ATG13: variants seen among roughly 807,000 people sequenced by gnomAD.
ATG13 encodes autophagy-related protein 13.
A neutral mutation model predicts 65.5 loss-of-function variants in ATG13; 23 were observed. The observed-to-expected ratio is 0.35, with a 90% CI of 0.25 to 0.50. ATG13 has a LOEUF of 0.50. Among genes scored for constraint, ATG13 ranks in the 20% least tolerant of loss-of-function variants. The pLI is 0.98. For missense variants in ATG13, 566 were observed against 677.0 expected, an observed-to-expected ratio of 0.84 and a Z score of 1.82; for synonymous variants, 252 against 245.2, an observed-to-expected ratio of 1.03 and a Z score of -0.26.
chr11:46,622,339 G>T (rs1591397375), intron 1 of ATG13, among the ~76,000 whole-genome samples: 1 of 151,400 alleles, frequency 6.6e-6, no homozygotes. Flanking sequence ...AGATGGTCTC[G>T]ATCTCCTGAC....
intron 2 of ATG13, among the ~76,000 whole-genome samples, chr11:46,633,708 G>A (rs1218201955): frequency 6.6e-6 from 1 of 152,066 alleles, no homozygotes; most frequent in East Asian, 1.9e-4. Context: ...CTACTCGAGA[G>A]GCTTAAGTGG....
chr11:46,658,797 A>T (rs182797450), intron 10 of ATG13, among the ~76,000 whole-genome samples: 1 of 152,222 alleles, frequency 6.6e-6, no homozygotes, highest in African/African-American at 2.4e-5. Flanking sequence ...CGGCCTCCCA[A>T]AATGCTGGAA....
At chr11:46,634,899 C>T (rs2053405195) in intron 2 of ATG13, among the ~76,000 whole-genome samples, 1 of 151,948 alleles carries the variant, frequency 6.6e-6, no homozygotes, top group Non-Finnish European at 1.5e-5. Context: ...GGCCGGGTTT[C>T]ACCATATTGG....
At chr11:46,642,140 A>G (rs539249643) in intron 2 of ATG13, among the ~76,000 whole-genome samples, 2 of 151,812 alleles carry the variant, frequency 1.3e-5, no homozygotes, top group African/African-American at 4.8e-5. Flanking sequence ...CCTTTTGTTT[A>G]TTCTTTTCCT....
Position 46,664,055 on chromosome 11 carries a change from C to A in ATG13, c.848C>A (p.Thr283Asn), listed in dbSNP as rs780791565. The change falls in exon 12 of 19, where the codon ACC (threonine) becomes AAC (asparagine). Residue 283 changes from threonine (T) to asparagine (N), a missense_variant. Physicochemically the swap from Thr to Asn is moderately conservative, Grantham distance 65 (BLOSUM62 0). Transcript: ENST00000683050. ...FQTPTPVVTD[T>N]LRVPMAGLAF... ...ACCCCTACTCCTGTGGTGACGGACA[C>A]CCTGAGGGTCCCCATGGCAGGACTG... 8 of 1,597,712 alleles carry A rather than the reference C, an allele frequency of 5.0e-6. No homozygotes were observed. The South Asian group carries it at 6.6e-5, about 13-fold the overall frequency.
At chr11:46,626,657 C>G (rs1310304616) in intron 1 of ATG13, among the ~76,000 whole-genome samples, 1 of 152,142 alleles carries the variant, frequency 6.6e-6, no homozygotes, top group Non-Finnish European at 1.5e-5. Context: ...AACCTGTGTT[C>G]CCATAGATTG....
intron 10 of ATG13, among the ~76,000 whole-genome samples, chr11:46,658,773 T>A (rs1432745527): frequency 1.3e-5 from 2 of 152,124 alleles, no homozygotes; most frequent in East Asian, 3.9e-4. Flanking sequence ...TGACCTCAGA[T>A]GATCCGCCTG....
At chr11:46,660,505 G>A (rs1356772773) in intron 11 of ATG13, among the ~76,000 whole-genome samples, 2 of 150,986 alleles carry the variant, frequency 1.3e-5, no homozygotes, top group Non-Finnish European at 3.0e-5. Flanking sequence ...TGCCTCCCGG[G>A]TTCACGCCAT....
In ATG13 at chr11:46,633,009, T is replaced by TATAG. The variant is rs2052434406; in HGVS notation, c.-14+2912_-14+2913insGATA. The stretch of plus-strand genomic sequence containing the variant: ...AAGACCCCCATTAAAAAAAAATATA[T>TATAG]ATATATATATATATATATTTTTTTT... On this transcript the variant is annotated intron_variant, in intron 2 of 18. Coordinates refer to ENST00000683050, the MANE Select transcript of ATG13 (RefSeq NM_001346311.2). 4.1e-5 allele frequency among the ~76,000 whole-genome samples: 4 copies of TATAG among 97,914 alleles called. No individual in the cohort carries two copies. The East Asian group carries it at 1.1e-3, about 26-fold the overall frequency. 64.2% of individuals were successfully genotyped at this position (97,914 alleles called of 152,430 possible). A position where few individuals can be genotyped will look rare whatever the true frequency, so the allele number is the denominator to read the frequency against.
intron 1 of ATG13, among the ~76,000 whole-genome samples, chr11:46,618,988 G>A (rs1452141948): frequency 2.0e-5 from 3 of 152,194 alleles, no homozygotes; most frequent in South Asian, 2.1e-4. Flanking sequence ...CGGCCCAGGA[G>A]CTTAATCTCG....
intron 11 of ATG13, among the ~76,000 whole-genome samples, chr11:46,663,139 AC>A (rs2136963299): frequency 6.6e-6 from 1 of 151,886 alleles, no homozygotes. Context: ...GGTGGCGGGC[AC>A]CTGTAGTCTC....
intron 10 of ATG13, 170 bp from the exon 11 acceptor site, chr11:46,659,222 T>A: frequency 1.8e-6 from 1 of 562,546 alleles, no homozygotes; most frequent in Non-Finnish European, 3.2e-6. Flanking sequence ...TGAGTGCCAC[T>A]CTCTGGAATG....
chr11:46,628,938 C>CT (rs10714909), intron 1 of ATG13, among the ~76,000 whole-genome samples: 129 of 137,864 alleles, frequency 9.4e-4, no homozygotes, highest in East Asian at 1.9e-3. Context: ...GATCTGTTTT[C>CT]TTTTTTTTTT....
chr11:46,668,590 TG>T lies in ATG13; in HGVS notation c.1329+15del. ...ACCGATCCAATGGTGAGCCCACCGT[TG>T]ACTACGAGTTCCCAGTAGATGGTGC... On this transcript the variant is annotated intron_variant, in intron 16 of 18. Transcript: ENST00000683050. 6.2e-7 allele frequency: 1 copy of T among 1,611,554 alleles called. No individual in the cohort carries two copies. Among genetic ancestry groups the T allele is most frequent in the Non-Finnish European group, 8.5e-7 (1 of 1,177,566 alleles).
chr11:46,632,677 A>T (rs2052216052), intron 2 of ATG13, among the ~76,000 whole-genome samples: 1 of 151,842 alleles, frequency 6.6e-6, no homozygotes, highest in Non-Finnish European at 1.5e-5. Flanking sequence ...CAGGTCCGGT[A>T]CCTCTATAGA....
intron 2 of ATG13, among the ~76,000 whole-genome samples, chr11:46,641,285 T>C (rs1035574212): frequency 1.3e-5 from 2 of 152,210 alleles, no homozygotes; most frequent in Non-Finnish European, 2.9e-5. Flanking sequence ...TTGGCCAGGC[T>C]GGTCTTGAAC....
chr11:46,670,440 C>T (rs2063452993), intron 18 of ATG13, among the ~76,000 whole-genome samples: 1 of 147,792 alleles, frequency 6.8e-6, no homozygotes, highest in African/African-American at 2.5e-5. Context: ...AAGATTGGAT[C>T]ACTGCACTCC....
At chr11:46,648,855 T>C (rs2058307813) in intron 5 of ATG13, 1 of 222,886 alleles carries the variant, frequency 4.5e-6, no homozygotes, top group Non-Finnish European at 8.6e-6. Context: ...TTGGATAAAA[T>C]GATAGTCATA....
intron 18 of ATG13, among the ~76,000 whole-genome samples, chr11:46,670,258 A>G (rs537577912): frequency 6.6e-4 from 99 of 150,508 alleles, no homozygotes; most frequent in African/African-American, 2.3e-3. Context: ...CAAGGCAGGC[A>G]GATCACAAGG....
Sources: gnomAD v4.1 joint callset for allele counts (sites outside exome capture counted in the v4.1 genomes callset) on GRCh38, gnomAD v4.1.1 for gene constraint, MANE v1.5 for transcripts, NCBI Gene and HGNC (gene_info 2026-07-23, HGNC 2026-07-21) for gene names.